NLGN4Y: variants seen among roughly 807,000 people sequenced by gnomAD.
The protein encoded by NLGN4Y is neuroligin-4, Y-linked.
Under a neutral mutation model 8.4 loss-of-function variants are expected in NLGN4Y, and 4 were observed. The observed-to-expected ratio is 0.48, with a 90% CI of 0.23 to 1.09. The LOEUF (loss-of-function observed/expected upper bound fraction) is 1.09, where lower values mean the gene tolerates loss of function less well. Ranked by LOEUF, NLGN4Y falls within the 50% of genes least tolerant of loss-of-function variation. The probability of loss-of-function intolerance (pLI) is 0.19; values close to 1 mark genes in which losing one functional copy is unlikely to be tolerated. For missense variants in NLGN4Y, 90 were observed against 192.3 expected (o/e 0.47, Z 3.15); for synonymous variants, 35 against 75.6 (o/e 0.46, Z 2.78).
At chrY:14,827,311 G>A in intron 5 of NLGN4Y, among the ~76,000 whole-genome samples, 1 of 33,971 alleles carries the variant, frequency 2.9e-5, no homozygotes, top group Non-Finnish European at 7.3e-5. Context: ...GATTTAGAAA[G>A]CAGTCAGAAC....
rs780282739 is a variant in NLGN4Y, at chrY:14,757,404, C to T, written c.685+34135C>T. Among the ~76,000 whole-genome samples the T allele has an allele frequency of 1.2e-4, 4 of 32,726 alleles. No homozygotes were observed. In the East Asian group the frequency reaches 2.4e-3, roughly 20 times the overall value. 87.8% of individuals were successfully genotyped at this position (32,726 alleles called of 37,273 possible). On this transcript the variant is annotated intron_variant, in intron 4 of 6. Transcript: ENST00000684976. ...TTGTATTTTCAGGAATGCTTTCTTC[C>T]TGGTTATTTTAAAGTCTGCATCTGT...
chrY:14,804,941 T>G (rs2043051573), intron 4 of NLGN4Y, among the ~76,000 whole-genome samples: 44 of 33,542 alleles, frequency 1.3e-3, no homozygotes, highest in African/African-American at 5.1e-3. Context: ...CAGAGGAAGC[T>G]TTGCTAGGTT....
intron 1 of NLGN4Y, among the ~76,000 whole-genome samples, chrY:14,539,705 C>A (rs2080144220): frequency 3.1e-5 from 1 of 32,095 alleles, no homozygotes; most frequent in African/African-American, 1.2e-4. Context: ...CACATTTTCC[C>A]TCTTATATCC....
intron 4 of NLGN4Y, among the ~76,000 whole-genome samples, chrY:14,817,521 A>G: frequency 2.9e-5 from 1 of 33,906 alleles, no homozygotes; most frequent in Non-Finnish European, 7.3e-5. Context: ...CTGGCCTTCA[A>G]TTAGATGCCT....
rs754689511 is a variant in NLGN4Y at position 14,814,204 on chromosome Y, A to G, written c.686-9984A>G. On this transcript the variant is annotated intron_variant, in intron 4 of 6. Coordinates refer to ENST00000684976, the MANE Select transcript of NLGN4Y (RefSeq NM_001365588.1). ...GAAGTCCACCTGGCTTCACATACCA[A>G]TAGAAGGTGTCTCCTCTAAACTGGA... 2.0e-3 allele frequency among the ~76,000 whole-genome samples: 64 copies of G among 32,427 alleles called. No homozygotes were observed. In the Middle Eastern group the frequency reaches 0.042, roughly 21 times the overall value. The allele number at this position is 32,427 out of a possible 37,273, so 87.0% of individuals were successfully genotyped here.
rs780642599 is a variant in NLGN4Y at position 14,622,041 on chromosome Y, C to T, written c.-79C>T. On this transcript the variant is annotated 5_prime_UTR_variant, in exon 2 of 7. Transcript: ENST00000684976. ...TGGAGTTTTCGAAAGACTTATCTTT[C>T]TGCAGGCTCGCCTCTGAGCTTTGTC... 1.2e-4 allele frequency: 29 copies of T among 236,472 alleles called. No individual in the cohort carries two copies. The East Asian group carries it at 2.7e-3, about 22-fold the overall frequency. The allele number at this position is 236,472 out of a possible 400,897, so 59.0% of individuals were successfully genotyped here.
chrY:14,824,548 T>G (rs2043137232), intron 5 of NLGN4Y, among the ~76,000 whole-genome samples, 175 bp downstream of exon 5: 2 of 34,040 alleles, frequency 5.9e-5, no homozygotes, highest in Non-Finnish European at 1.5e-4. Flanking sequence ...TCAGCTTTTT[T>G]TCCATTTGCT....
chrY:14,658,197 G>A (rs527753546), intron 2 of NLGN4Y, among the ~76,000 whole-genome samples: 6 of 33,117 alleles, frequency 1.8e-4, no homozygotes, highest in African/African-American at 5.9e-4. Flanking sequence ...ATTTTTAAGC[G>A]CTGAACATGC....
intron 1 of NLGN4Y, among the ~76,000 whole-genome samples, chrY:14,563,908 G>A (rs551379686): frequency 6.1e-5 from 2 of 33,029 alleles, no homozygotes; most frequent in African/African-American, 2.4e-4. Flanking sequence ...ATTTTATTGA[G>A]TCTGTTTGAT....
At chrY:14,648,105 T>A (rs2080617005) in intron 2 of NLGN4Y, among the ~76,000 whole-genome samples, 1 of 34,226 alleles carries the variant, frequency 2.9e-5, no homozygotes, top group East Asian at 7.6e-4. Flanking sequence ...AGAGTTTTAA[T>A]AGGAAAAAGT....
intron 4 of NLGN4Y, among the ~76,000 whole-genome samples, chrY:14,748,888 A>AG: frequency 9.2e-5 from 1 of 10,815 alleles, no homozygotes; most frequent in Non-Finnish European, 1.4e-4. Flanking sequence ...AAAAAAAAAA[A>AG]AAAAAGAAAA....
chrY:14,617,938 TC>T (rs2080495818), intron 1 of NLGN4Y, among the ~76,000 whole-genome samples: 1 of 29,524 alleles, frequency 3.4e-5, no homozygotes, highest in Non-Finnish European at 8.0e-5. Flanking sequence ...CAGACAACCC[TC>T]CCCCTACCAA....
At chrY:14,628,357 C>T (rs2080536256) in intron 2 of NLGN4Y, among the ~76,000 whole-genome samples, 4 of 33,678 alleles carry the variant, frequency 1.2e-4, no homozygotes, top group Non-Finnish European at 2.9e-4. Flanking sequence ...AAACATGCCA[C>T]GATTAGTGAT....
At chrY:14,711,260 G>A (rs765193658) in intron 2 of NLGN4Y, among the ~76,000 whole-genome samples, 2 of 32,809 alleles carry the variant, frequency 6.1e-5, no homozygotes, top group African/African-American at 2.4e-4. Context: ...AGTTTCAAGA[G>A]ATTAAGAATA....
At chrY:14,568,240 C>T in intron 1 of NLGN4Y, among the ~76,000 whole-genome samples, 2 of 32,542 alleles carry the variant, frequency 6.1e-5, no homozygotes, top group African/African-American at 2.4e-4. Context: ...AAGGTATATA[C>T]GAGATTCTTG....
chrY:14,734,623 G>A, intron 4 of NLGN4Y, among the ~76,000 whole-genome samples: 1 of 33,297 alleles, frequency 3.0e-5, no homozygotes, highest in African/African-American at 1.2e-4. Flanking sequence ...CTGACTTTGG[G>A]GAGCTTCCTT....
At chrY:14,643,198 G>A (rs2080597225) in intron 2 of NLGN4Y, among the ~76,000 whole-genome samples, 1 of 33,364 alleles carries the variant, frequency 3.0e-5, no homozygotes, top group African/African-American at 1.2e-4. Flanking sequence ...GGCTTAAGCT[G>A]GATGCAAGTA....
intron 2 of NLGN4Y, among the ~76,000 whole-genome samples, chrY:14,689,757 A>G: frequency 3.0e-5 from 1 of 33,148 alleles, no homozygotes; most frequent in African/African-American, 1.2e-4. Flanking sequence ...GGTGCCAACT[A>G]TTTAGCAGAG....
chrY:14,577,558 G>C, intron 1 of NLGN4Y, among the ~76,000 whole-genome samples: 1 of 34,306 alleles, frequency 2.9e-5, no homozygotes, highest in Admixed American at 2.6e-4. Flanking sequence ...TAATCCCAGC[G>C]TTATTGTGTA....
Sources: allele counts gnomAD v4.1 joint callset (sites outside exome capture counted in the v4.1 genomes callset), GRCh38; gene constraint gnomAD v4.1.1; transcripts MANE v1.5; gene names NCBI Gene and HGNC (gene_info 2026-07-23, HGNC 2026-07-21).